KCNAB2: variants seen among roughly 807,000 people sequenced by gnomAD.
KCNAB2 encodes potassium voltage-gated channel subfamily A regulatory beta subunit 2, also known as voltage-gated potassium channel subunit beta-2.
Under a neutral mutation model 63.6 loss-of-function variants are expected in KCNAB2, and 29 were observed. The observed-to-expected ratio is 0.46, with a 90% CI of 0.34 to 0.62. The LOEUF (loss-of-function observed/expected upper bound fraction) is 0.62. Among genes scored for constraint, KCNAB2 ranks in the 20% least tolerant of loss-of-function variants. The pLI is 0.01. For synonymous variants in KCNAB2, 222 were observed against 224.2 expected (o/e 0.99, Z 0.09); for missense variants, 359 against 563.9 (o/e 0.64, Z 3.68).
intron 2 of KCNAB2, among the ~76,000 whole-genome samples, chr1:6,066,932 G>A (rs993123716): frequency 9.8e-5 from 15 of 152,352 alleles, no homozygotes; most frequent in East Asian, 1.9e-4. Flanking sequence ...TCTGGCTCCC[G>A]GTGCTGTGAC....
intron 11 of KCNAB2, 134 bp downstream of exon 11, chr1:6,094,619 A>G (rs1665468483): frequency 4.3e-6 from 3 of 695,776 alleles, no homozygotes; most frequent in Non-Finnish European, 7.4e-6. Flanking sequence ...TAAGGGAGGG[A>G]CAGGATGGTG....
intron 1 of KCNAB2, among the ~76,000 whole-genome samples, chr1:6,006,659 C>A (rs1426091573): frequency 2.1e-4 from 3 of 14,142 alleles, no homozygotes; most frequent in Non-Finnish European, 3.4e-4. Context: ...GTCCCACATC[C>A]CCCACTTCAC....
chr1:6,016,661 G>A lies in KCNAB2; in HGVS notation c.-52-23856G>A, dbSNP rs925468801. On this transcript the variant is annotated intron_variant, in intron 1 of 16. Coordinates refer to the KCNAB2 transcript ENST00000341524. ...AGGCTTTGGGGTGCTGCTCACACGCGGTGTGACTCGGGCGGGGCAGGCAGT... is the reference window on the plus strand; with the variant it reads ...AGGCTTTGGGGTGCTGCTCACACGCAGTGTGACTCGGGCGGGGCAGGCAGT... Among the ~76,000 whole-genome samples, 6 of 152,314 alleles carry A rather than the reference G, an allele frequency of 3.9e-5. 1 individual carries two copies. The Middle Eastern group carries it at 0.01, about 259-fold the overall frequency.
chr1:6,084,986 C>T (rs566962334), intron 5 of KCNAB2, among the ~76,000 whole-genome samples: 1 of 152,322 alleles, frequency 6.6e-6, no homozygotes, highest in African/African-American at 2.4e-5. Flanking sequence ...GAACATGCCA[C>T]AGCCATCCTA....
chr1:6,001,350 G>C (rs1358739050), intron 1 of KCNAB2, among the ~76,000 whole-genome samples: 6 of 150,676 alleles, frequency 4.0e-5, no homozygotes, highest in South Asian at 2.1e-4. Context: ...CACACACACA[G>C]ACACACAGAG....
At chr1:6,056,354 C>G (rs909121554) in intron 2 of KCNAB2, among the ~76,000 whole-genome samples, 1 of 152,154 alleles carries the variant, frequency 6.6e-6, no homozygotes, top group African/African-American at 2.4e-5. Flanking sequence ...CTACACTTCC[C>G]CATTGTTTAA....
intron 5 of KCNAB2, 43 bp from the exon 6 acceptor site, chr1:6,085,161 T>C (rs776844923): frequency 6.2e-7 from 1 of 1,611,216 alleles, no homozygotes; most frequent in Non-Finnish European, 8.5e-7. Context: ...GGGTTTGATT[T>C]TTCTGTTTGG....
chr1:6,066,281 G>A (rs1221977186), intron 2 of KCNAB2, among the ~76,000 whole-genome samples: 4 of 152,212 alleles, frequency 2.6e-5, no homozygotes, highest in African/African-American at 7.2e-5. Flanking sequence ...ATATAGGTAC[G>A]GGGGCACACA....
At chr1:5,996,056 T>C (rs1406859866) in intron 1 of KCNAB2, 1 of 152,362 alleles carries the variant, frequency 6.6e-6, no homozygotes, top group Non-Finnish European at 1.5e-5. Flanking sequence ...TGACCCGCCA[T>C]GTTCAGGCCC....
rs762586040 is a variant in KCNAB2 at position 6,073,542 on chromosome 1, T to C, written c.263-191T>C. On this transcript the variant is annotated intron_variant, in intron 3 of 15. Transcript: ENST00000378083. This position sits in a 1 kb window ranked among gnomAD's most constrained non-coding sequence, Gnocchi z 5.7. ...TAGAGACTTTTGTCCCCTCAGTTTA[T>C]TGACCCCAGGAGAGCAGGACTTTCT... Among the ~76,000 whole-genome samples, 1 of 152,200 alleles carries C rather than the reference T, an allele frequency of 6.6e-6. No homozygotes were observed.
chr1:6,089,226 G>C (rs7553754), intron 8 of KCNAB2, among the ~76,000 whole-genome samples, 175 bp downstream of exon 8: 118,786 of 152,246 alleles, frequency 0.78, 47,491 homozygotes, highest in East Asian at 0.98. Context: ...ACAGCGGGAC[G>C]CTGCAGAGAA....
Position 6,040,609 on chromosome 1 carries a change from C to T in KCNAB2, c.41C>T (p.Ser14Leu), listed in dbSNP as rs1258943216. ...ACGACGGGCTCCCCGGCTCGGCTCT[C>T]GCTGCGGCAGACGGGCTCCCCCGGG... The change falls in exon 2 of 16, where the codon TCG (serine) becomes TTG (leucine). Residue 14 changes from serine to leucine, a missense_variant. By Grantham distance (145) the Ser-to-Leu change is moderately radical. Coordinates refer to the KCNAB2 transcript ENST00000164247. 1 of 1,614,146 alleles carries T rather than the reference C, an allele frequency of 6.2e-7. No individual in the cohort carries two copies. Among genetic ancestry groups the T allele is most frequent in the Non-Finnish European group, 8.5e-7 (1 of 1,179,984 alleles).
At chr1:6,021,288 C>T (rs1318103263) in intron 1 of KCNAB2, among the ~76,000 whole-genome samples, 1 of 152,172 alleles carries the variant, frequency 6.6e-6, no homozygotes, top group South Asian at 2.1e-4. Context: ...ATTTCAGGCA[C>T]GAGCCACCAT....
At position 6,096,435 on chromosome 1, in the gene KCNAB2, C is replaced by T. The variant is rs1665645052; in HGVS notation, c.949-201C>T. ...AGAGCCTGGACAGGCCCCGCTCATC[C>T]ACCAGCCCGTGCCCGGCCCACTGCC... On this transcript the variant is annotated intron_variant, in intron 13 of 15. Coordinates refer to ENST00000378083, the MANE Select transcript of KCNAB2 (RefSeq NM_001199862.2). The surrounding 1 kb of genome is among the most constrained non-coding windows in gnomAD (Gnocchi z 5.9). The T allele has an allele frequency of 4.4e-6, 3 of 675,328 alleles. No individual in the cohort carries two copies. Among genetic ancestry groups the T allele is most frequent in the Non-Finnish European group, 7.5e-6 (3 of 401,442 alleles). The allele number at this position is 675,328 out of a possible 1,614,324, so 41.8% of individuals were successfully genotyped here.
rs1665945727 is a variant in KCNAB2, at chr1:6,100,260, C to G, written c.*1686C>G. The G allele has an allele frequency of 3.5e-6, 2 of 566,828 alleles. No homozygotes were observed. Among genetic ancestry groups the G allele is most frequent in the Non-Finnish European group, 5.6e-6 (2 of 354,710 alleles). 35.1% of individuals were successfully genotyped at this position (566,828 alleles called of 1,614,324 possible). On this transcript the variant is annotated 3_prime_UTR_variant, in exon 16 of 16. Transcript: ENST00000378083. ...TCAGCTTCTGCTATTACCGACCCCC[C>G]TTCATGCTGCCCCTGGCGCCTAGAA...
intron 1 of KCNAB2, among the ~76,000 whole-genome samples, chr1:6,022,826 CT>C (rs1658923175): frequency 6.6e-6 from 1 of 151,286 alleles, no homozygotes; most frequent in Non-Finnish European, 1.5e-5. Context: ...CATTTCCTTC[CT>C]TTGTATGACT....
At chr1:6,097,869 T>C (rs1665778199) in intron 15 of KCNAB2, 1 of 205,974 alleles carries the variant, frequency 4.9e-6, no homozygotes, top group Non-Finnish European at 9.6e-6. Flanking sequence ...GTGGCAAAAT[T>C]GTGGGCAGAG....
intron 1 of KCNAB2, among the ~76,000 whole-genome samples, chr1:6,014,857 G>A (rs754020787): frequency 6.6e-6 from 1 of 152,132 alleles, no homozygotes; most frequent in Non-Finnish European, 1.5e-5. Flanking sequence ...ACCTGAAGGA[G>A]TTCCCCCTTC....
Position 6,035,423 on chromosome 1 carries a change from A to G in KCNAB2, c.-53+629A>G, listed in dbSNP as rs1254597426. On this transcript the variant is annotated intron_variant, in intron 1 of 15. Coordinates refer to the KCNAB2 transcript ENST00000164247. The surrounding 1 kb of genome is among the most constrained non-coding windows in gnomAD (Gnocchi z 5.0). ...TGCCGGCGGGGGTGGAGGTGGGCGC[A>G]GGGAATGCTGTGAGGAGCAGCATGA... is the stretch of plus-strand genomic sequence containing the variant. Among the ~76,000 whole-genome samples, 1 of 152,124 alleles carries G rather than the reference A, an allele frequency of 6.6e-6. No homozygotes were observed. The highest frequency in any genetic ancestry group is 1.5e-5 in the Non-Finnish European group (1 of 68,008).
Sources: allele counts gnomAD v4.1 joint callset (sites outside exome capture counted in the v4.1 genomes callset), GRCh38; gene constraint gnomAD v4.1.1; non-coding constraint Gnocchi (gnomAD v3.1); transcripts MANE v1.5; gene names NCBI Gene and HGNC (gene_info 2026-07-23, HGNC 2026-07-21).